SLC24A2: variants seen among roughly 807,000 people sequenced by gnomAD.
SLC24A2 encodes the protein solute carrier family 24 member 2.
SLC24A2 carries 36 observed loss-of-function variants against 62.0 expected under a neutral mutation model. The ratio of observed to expected loss-of-function variants is 0.58; its 90% CI spans 0.44 to 0.77. SLC24A2 has a LOEUF of 0.77. SLC24A2 is among the 30% of genes least tolerant of loss of function. SLC24A2 has a pLI of 0.00. For synonymous variants in SLC24A2, 358 were observed against 294.0 expected (o/e 1.22, Z -2.23); for missense variants, 846 against 817.9 (o/e 1.03, Z -0.42).
chr9:20,233,738 T>C, the SLC24A2 span, among the ~76,000 whole-genome samples: 2 of 152,232 alleles, frequency 1.3e-5, no homozygotes, highest in South Asian at 2.1e-4. Flanking sequence ...TTAAAGTTAA[T>C]AGTGTTATGT....
At chr9:19,864,536 G>A in the SLC24A2 span, among the ~76,000 whole-genome samples, 2 of 151,940 alleles carry the variant, frequency 1.3e-5, no homozygotes, top group African/African-American at 2.4e-5. Context: ...ATGGTTCAAC[G>A]TATGCAAATC....
the SLC24A2 span, among the ~76,000 whole-genome samples, chr9:19,842,793 C>G: frequency 6.9e-3 from 1,050 of 152,312 alleles, 16 homozygotes; most frequent in African/African-American, 0.024. Flanking sequence ...GACAGTCCCC[C>G]TCTAAAATTT....
the SLC24A2 span, among the ~76,000 whole-genome samples, chr9:19,945,839 C>T: frequency 6.6e-6 from 1 of 152,140 alleles, no homozygotes; most frequent in African/African-American, 2.4e-5. Flanking sequence ...TCCATATATC[C>T]CTCAGGGACT....
At chr9:19,568,401 C>A (rs16937610) in intron 7 of SLC24A2, among the ~76,000 whole-genome samples, 1 of 152,212 alleles carries the variant, frequency 6.6e-6, no homozygotes, top group Non-Finnish European at 1.5e-5. Context: ...GTTCATACTG[C>A]AGCTCATACA....
chr9:20,110,167 A>G, the SLC24A2 span, among the ~76,000 whole-genome samples: 39,140 of 152,014 alleles, frequency 0.26, 5,747 homozygotes, highest in East Asian at 0.57. Flanking sequence ...ACTGGCTTTA[A>G]AAATGAGCCC....
chr9:19,883,941 T>C, the SLC24A2 span, among the ~76,000 whole-genome samples: 3 of 152,228 alleles, frequency 2.0e-5, no homozygotes, highest in African/African-American at 7.2e-5. Context: ...TAAAAGGTGC[T>C]ACTTATTCTG....
At chr9:19,611,537 C>T (rs924641219) in intron 4 of SLC24A2, among the ~76,000 whole-genome samples, 2 of 151,826 alleles carry the variant, frequency 1.3e-5, no homozygotes, top group African/African-American at 4.8e-5. Context: ...GGCCGCTGTA[C>T]GCTCTAGGGC....
chr9:19,794,997 T>G, the SLC24A2 span, among the ~76,000 whole-genome samples: 1 of 152,250 alleles, frequency 6.6e-6, no homozygotes, highest in African/African-American at 2.4e-5. Context: ...AGGAGCCATG[T>G]GCCTTGAGCC....
chr9:19,628,012 A>G (rs1267832392), intron 2 of SLC24A2, among the ~76,000 whole-genome samples: 2 of 152,232 alleles, frequency 1.3e-5, no homozygotes, highest in Non-Finnish European at 2.9e-5. Context: ...AATTCTTTCA[A>G]TGCCTCTCAC....
chr9:19,941,586 TGTGTGA>T, the SLC24A2 span, among the ~76,000 whole-genome samples: 3 of 129,356 alleles, frequency 2.3e-5, no homozygotes, highest in African/African-American at 9.1e-5. Context: ...TGTGTGTGTG[TGTGTGA>T]GAGAGAGAGA....
the SLC24A2 span, among the ~76,000 whole-genome samples, chr9:20,093,726 G>C: frequency 6.6e-6 from 1 of 152,148 alleles, no homozygotes; most frequent in African/African-American, 2.4e-5. Flanking sequence ...AAAAAAAGTA[G>C]TTAGAAAGAA....
the SLC24A2 span, among the ~76,000 whole-genome samples, chr9:19,952,274 A>C: frequency 6.6e-6 from 1 of 151,950 alleles, no homozygotes; most frequent in South Asian, 2.1e-4. Flanking sequence ...ACAGTTTTAT[A>C]TTTTCTTTTC....
intron 7 of SLC24A2, among the ~76,000 whole-genome samples, chr9:19,559,516 T>C (rs1835286799): frequency 6.6e-6 from 1 of 152,194 alleles, no homozygotes; most frequent in Non-Finnish European, 1.5e-5. Flanking sequence ...ACTCATAATA[T>C]TGTGACATCT....
chr9:19,646,964 C>G (rs1818654030), intron 2 of SLC24A2, among the ~76,000 whole-genome samples: 1 of 151,782 alleles, frequency 6.6e-6, no homozygotes, highest in Admixed American at 6.6e-5. Context: ...TGCCAAATTT[C>G]CATCCATTCT....
the SLC24A2 span, among the ~76,000 whole-genome samples, chr9:20,058,964 A>C: frequency 6.6e-6 from 1 of 152,154 alleles, no homozygotes; most frequent in Non-Finnish European, 1.5e-5. Flanking sequence ...TCTTCTCCCT[A>C]TTTCTGAGTT....
chr9:20,041,765 G>T, the SLC24A2 span, among the ~76,000 whole-genome samples: 1 of 152,252 alleles, frequency 6.6e-6, no homozygotes, highest in Non-Finnish European at 1.5e-5. Flanking sequence ...TGGCCAAATG[G>T]CTAAGTAGCC....
At chr9:19,830,621 C>A in the SLC24A2 span, among the ~76,000 whole-genome samples, 1 of 152,312 alleles carries the variant, frequency 6.6e-6, no homozygotes, top group Non-Finnish European at 1.5e-5. Flanking sequence ...GTCTTCCATT[C>A]TATGAACCAG....
At chr9:19,612,966 T>C (rs1365272577) in intron 4 of SLC24A2, among the ~76,000 whole-genome samples, 2 of 152,214 alleles carry the variant, frequency 1.3e-5, no homozygotes, top group Non-Finnish European at 2.9e-5. Context: ...ACCAGATCAA[T>C]GTCGGTAGAG....
intron 2 of SLC24A2, among the ~76,000 whole-genome samples, chr9:19,658,238 A>G (rs1258366234): frequency 1.3e-5 from 2 of 151,054 alleles, no homozygotes; most frequent in African/African-American, 4.9e-5. Context: ...GTATCCATTC[A>G]CAAAGGTGAT....
Sources: gnomAD v4.1 joint callset for allele counts (sites outside exome capture counted in the v4.1 genomes callset) on GRCh38, gnomAD v4.1.1 for gene constraint, MANE v1.5 for transcripts, NCBI Gene and HGNC (gene_info 2026-07-23, HGNC 2026-07-21) for gene names.